The following ZBTB40 variants were observed in gnomAD, a reference collection of about 807,000 sequenced individuals.
ZBTB40 encodes zinc finger and BTB domain containing 40, also known as zinc finger and BTB domain-containing protein 40.
ZBTB40 carries 60 observed loss-of-function variants against 117.5 expected under a neutral mutation model. That is an observed-to-expected ratio of 0.51 (90% CI 0.41 to 0.63). The LOEUF (loss-of-function observed/expected upper bound fraction) is 0.63. Among genes scored for constraint, ZBTB40 ranks in the 30% least tolerant of loss-of-function variants. ZBTB40 has a pLI of 0.00. For missense variants in ZBTB40, 1,287 were observed against 1,498.5 expected (o/e 0.86, Z 2.33); for synonymous variants, 525 against 577.1 (o/e 0.91, Z 1.29).
At chr1:22,467,732 C>T (rs1347813453) in intron 1 of ZBTB40, among the ~76,000 whole-genome samples, 1 of 151,354 alleles carries the variant, frequency 6.6e-6, no homozygotes, top group African/African-American at 2.4e-5. Flanking sequence ...ACCTCAGCCT[C>T]CCGAAGTGCT....
intron 1 of ZBTB40, among the ~76,000 whole-genome samples, chr1:22,443,839 C>A (rs1159382617): frequency 6.6e-6 from 1 of 152,146 alleles, no homozygotes; most frequent in African/African-American, 2.4e-5. Context: ...TTGCTACAGT[C>A]TGTTTTGTCA....
intron 3 of ZBTB40, among the ~76,000 whole-genome samples, chr1:22,499,888 A>G (rs1056480292): frequency 1.3e-5 from 2 of 152,220 alleles, no homozygotes; most frequent in Non-Finnish European, 2.9e-5. Flanking sequence ...GTCTAGCTAA[A>G]TTTTGCTGTG....
chr1:22,492,280 T>A (rs1638654102), intron 3 of ZBTB40, among the ~76,000 whole-genome samples: 1 of 152,216 alleles, frequency 6.6e-6, no homozygotes, highest in African/African-American at 2.4e-5. Context: ...TATATATAAG[T>A]GCTTAGGAAT....
chr1:22,476,921 T>C (rs890832713), intron 1 of ZBTB40, among the ~76,000 whole-genome samples: 6 of 152,244 alleles, frequency 3.9e-5, no homozygotes, highest in African/African-American at 9.6e-5. Context: ...TGTTCCACTA[T>C]GCTTTCTTAC....
chr1:22,520,257 C>G lies in ZBTB40; in HGVS notation c.3030C>G (p.Ile1010Met). 1 of 1,612,308 alleles carries G rather than the reference C, an allele frequency of 6.2e-7. No homozygotes were observed. Among genetic ancestry groups the G allele is most frequent in the South Asian group, 1.1e-5 (1 of 91,086 alleles). Residue 1010 changes from isoleucine to methionine, a missense_variant, in exon 14 of 18, where the codon ATC becomes ATG. This residue lies in a region of ZBTB40 where 417 missense variants were observed against 564.1 expected (regional missense o/e 0.74). Transcript: ENST00000375647. Reference protein sequence around the residue: ...HVGGKPFSCGICNKAYQQLSG... With the variant: ...HVGGKPFSCGMCNKAYQQLSG... ...GAGGGAAGCCCTTCAGCTGCGGGATCTGCAACAAGGCCTACCAGGTGACCT... is the reference window on the plus strand; with the variant it reads ...GAGGGAAGCCCTTCAGCTGCGGGATGTGCAACAAGGCCTACCAGGTGACCT...
At chr1:22,524,865 C>G (rs895856681) in intron 17 of ZBTB40, among the ~76,000 whole-genome samples, 1 of 152,194 alleles carries the variant, frequency 6.6e-6, no homozygotes, top group Non-Finnish European at 1.5e-5. Flanking sequence ...TCACCTTTAC[C>G]TGGGCAAAAA....
intron 1 of ZBTB40, among the ~76,000 whole-genome samples, chr1:22,441,353 T>C (rs1640729332): frequency 6.6e-6 from 1 of 152,100 alleles, no homozygotes; most frequent in African/African-American, 2.4e-5. Flanking sequence ...ATTCTTAGTC[T>C]GTCTAGCTAA....
chr1:22,464,623 GAA>G (rs1206999916), intron 1 of ZBTB40, among the ~76,000 whole-genome samples: 2 of 152,106 alleles, frequency 1.3e-5, no homozygotes, highest in East Asian at 3.8e-4. Context: ...GTTTACTATA[GAA>G]AATTTTATAA....
chr1:22,526,369 G>T lies in ZBTB40; in HGVS notation c.3693G>T (p.Val1231=). ...TGGAGGACTTGCTGGATGGCACAGT[G>T]ACGCTGATCTGTGGTGAGGCCAAAT... ...VTVEDLLDGT[V]TLICGEAK The change falls in exon 18 of 18, where the codon GTG becomes GTT. Residue 1231 remains valine (V), a synonymous_variant. Coordinates refer to ENST00000375647, the MANE Select transcript of ZBTB40 (RefSeq NM_014870.4). The T allele has an allele frequency of 6.2e-7, 1 of 1,614,202 alleles. No individual in the cohort carries two copies. The highest frequency in any genetic ancestry group is 1.1e-5 in the South Asian group (1 of 91,074).
intron 1 of ZBTB40, among the ~76,000 whole-genome samples, chr1:22,464,020 A>T (rs1641194075): frequency 1.3e-5 from 2 of 152,264 alleles, no homozygotes; most frequent in African/African-American, 4.8e-5. Context: ...CTGTGAGATG[A>T]TAGTGGTGGG....
At chr1:22,512,525 A>G (rs1639268448) in intron 11 of ZBTB40, among the ~76,000 whole-genome samples, 3 of 152,224 alleles carry the variant, frequency 2.0e-5, no homozygotes. Flanking sequence ...TTGGTAACAA[A>G]CAAGAGTCAT....
intron 9 of ZBTB40, among the ~76,000 whole-genome samples, chr1:22,510,977 C>CT (rs1241107955): frequency 6.6e-6 from 1 of 151,680 alleles, no homozygotes; most frequent in Non-Finnish European, 1.5e-5. Flanking sequence ...ATACATGCTT[C>CT]TTTTTTTCTG....
At chr1:22,454,843 G>C (rs1411787220) in intron 1 of ZBTB40, among the ~76,000 whole-genome samples, 1 of 152,220 alleles carries the variant, frequency 6.6e-6, no homozygotes, top group Non-Finnish European at 1.5e-5. Flanking sequence ...TTTTCTTTTT[G>C]TTGTTGTTAC....
chr1:22,433,304 G>A (rs929000478), intron 1 of ZBTB40, among the ~76,000 whole-genome samples: 3 of 150,882 alleles, frequency 2.0e-5, no homozygotes, highest in African/African-American at 7.3e-5. Context: ...GTGGTGGCGG[G>A]CGCCTGTAGT....
At chr1:22,451,522 G>GT (rs2124375116), upstream of ZBTB40, among the ~76,000 whole-genome samples, 1 of 152,150 alleles carries the variant, frequency 6.6e-6, no homozygotes, top group Non-Finnish European at 1.5e-5. Flanking sequence ...GCGCGCGCCT[G>GT]TAATCCCAGC....
chr1:22,490,070 T>A lies in ZBTB40; in HGVS notation c.122T>A (p.Val41Asp). The A allele has an allele frequency of 6.2e-7, 1 of 1,614,196 alleles. No homozygotes were observed. ...ATTTACTTCAGGGCTCACAAGCTTG[T>A]CCTGGCTGCTGCCAGCCTCCTGTTC... ...GTIYFRAHKL[V>D]LAAASLLFKT... Residue 41 changes from valine (V) to aspartate (D), a missense_variant, in exon 2 of 18, where the codon GTC (valine) becomes GAC (aspartate). Val to Asp is a radical substitution (Grantham distance 152). Transcript: ENST00000375647.
chr1:22,480,165 C>T (rs933591007), intron 1 of ZBTB40, among the ~76,000 whole-genome samples: 1 of 152,138 alleles, frequency 6.6e-6, no homozygotes, highest in African/African-American at 2.4e-5. Flanking sequence ...CTCGGCCTCC[C>T]AAAGTGCTGG....
chr1:22,445,478 A>T (rs1640777021), intron 1 of ZBTB40, among the ~76,000 whole-genome samples: 1 of 152,134 alleles, frequency 6.6e-6, no homozygotes, highest in Non-Finnish European at 1.5e-5. Context: ...CCACCACATC[A>T]CTAAAGGCCT....
At chr1:22,520,712 G>A (rs1386170534) in intron 14 of ZBTB40, among the ~76,000 whole-genome samples, 3 of 152,184 alleles carry the variant, frequency 2.0e-5, no homozygotes, top group Non-Finnish European at 4.4e-5. Flanking sequence ...CTTAGGATTT[G>A]ATATGTAATT....
Sources: gnomAD v4.1 joint callset for allele counts (sites outside exome capture counted in the v4.1 genomes callset) on GRCh38, gnomAD v4.1.1 for gene constraint, gnomAD v4.1.1 regional missense constraint, MANE v1.5 for transcripts, NCBI Gene and HGNC (gene_info 2026-07-23, HGNC 2026-07-21) for gene names.